Variants in TCERG1 observed in about 807,000 individuals in gnomAD.
TCERG1 encodes the protein TATA box binding protein (TBP)-associated factor, RNA polymerase II, S, 150kD.
Under a neutral mutation model 144.7 loss-of-function variants are expected in TCERG1, and 37 were observed. The observed-to-expected ratio is 0.26, with a 90% CI of 0.20 to 0.34. The LOEUF (loss-of-function observed/expected upper bound fraction) is 0.34, where lower values mean the gene tolerates loss of function less well. Ranked by LOEUF, TCERG1 falls within the 10% of genes least tolerant of loss-of-function variation. TCERG1 has a pLI of 1.00. For synonymous variants in TCERG1, 492 were observed against 458.2 expected, an observed-to-expected ratio of 1.07 and a Z score of -0.94; for missense variants, 1,027 against 1,380.7, an observed-to-expected ratio of 0.74 and a Z score of 4.06.
chr5:146,481,845 A>G (rs1008164568), intron 13 of TCERG1: 4 of 152,146 alleles, frequency 2.6e-5, no homozygotes, highest in African/African-American at 7.2e-5. Flanking sequence ...TGAGTACCAC[A>G]CAGAAACAGG....
chr5:146,499,377 A>T (rs1217311178), intron 17 of TCERG1, among the ~76,000 whole-genome samples: 1 of 152,232 alleles, frequency 6.6e-6, no homozygotes, highest in Non-Finnish European at 1.5e-5. Flanking sequence ...TTATAATATT[A>T]CAAGTTCTAT....
intron 15 of TCERG1, among the ~76,000 whole-genome samples, chr5:146,491,286 A>G (rs1358384179): frequency 1.3e-5 from 2 of 151,662 alleles, no homozygotes; most frequent in African/African-American, 2.4e-5. Context: ...TGCCCGGCCT[A>G]TTTGGGTATT....
At chr5:146,470,530 C>T (rs1358948794) in intron 7 of TCERG1, 106 bp from the exon 8 acceptor site, 1 of 881,852 alleles carries the variant, frequency 1.1e-6, no homozygotes, top group African/African-American at 1.7e-5. Context: ...ATTTTATCTT[C>T]ATGGTTAATA....
intron 19 of TCERG1, among the ~76,000 whole-genome samples, chr5:146,505,324 T>G (rs1767875513): frequency 6.6e-6 from 1 of 152,200 alleles, no homozygotes; most frequent in South Asian, 2.1e-4. Context: ...CATAAAAAGC[T>G]AATCAAATTT....
At position 146,498,668 on chromosome 5, in the gene TCERG1, G is replaced by A. The variant is rs1561698052; in HGVS notation, c.2415G>A (p.Ser805=). 4 of 1,611,436 alleles carry A rather than the reference G, an allele frequency of 2.5e-6. No individual in the cohort carries two copies. Among genetic ancestry groups the A allele is most frequent in the South Asian group, 1.1e-5 (1 of 90,552 alleles). ...AAARKKEKED[S]KTRGEKIKSD... is the part of the protein sequence containing the mutation. The stretch of plus-strand genomic sequence containing the variant: ...CTAGGAAGAAAGAGAAAGAAGATTC[G>A]AAGACCAGAGGTGAGAAGGTAAGAT... The change falls in exon 17 of 23, where the codon TCG becomes TCA. Residue 805 remains serine, a synonymous_variant. Transcript: ENST00000679501.
At chr5:146,479,993 A>G (rs765020725) in intron 11 of TCERG1, 35 bp from the exon 12 acceptor site, 12 of 1,589,066 alleles carry the variant, frequency 7.6e-6, no homozygotes, top group Non-Finnish European at 1.0e-5. Flanking sequence ...AGAAGGATTC[A>G]TTCCTAAATA....
At chr5:146,459,423 T>A in intron 4 of TCERG1, 86 bp downstream of exon 4, 1 of 1,526,772 alleles carries the variant, frequency 6.5e-7, no homozygotes, top group Non-Finnish European at 8.8e-7. Context: ...TCCCAGTGTT[T>A]CTGGTATTAT....
Position 146,511,416 on chromosome 5 carries a change from G to T in TCERG1, c.*774G>T, listed in dbSNP as rs1768447025. The T allele has an allele frequency of 6.6e-6, 1 of 152,576 alleles. No homozygotes were observed. The highest frequency in any genetic ancestry group is 1.5e-5 in the Non-Finnish European group (1 of 68,030). The allele number at this position is 152,576 out of a possible 1,614,324, so 9.5% of individuals were successfully genotyped here. A position where few individuals can be genotyped will look rare whatever the true frequency, so the allele number is the denominator to read the frequency against. On this transcript the variant is annotated 3_prime_UTR_variant, in exon 23 of 23. Transcript: ENST00000679501. ...TTTCTTGTAAACTATACTCCTGTTT[G>T]AATGTTAAACTTTGTTGCTAAAGTT... is the stretch of plus-strand genomic sequence containing the variant.
intron 9 of TCERG1, among the ~76,000 whole-genome samples, chr5:146,473,573 C>T (rs78175380): frequency 0.063 from 9,555 of 152,242 alleles, 417 homozygotes; most frequent in Non-Finnish European, 0.085. Flanking sequence ...AGAGAGAAGT[C>T]ACCGCTTGGC....
intron 15 of TCERG1, among the ~76,000 whole-genome samples, chr5:146,490,961 G>A (rs763440682): frequency 5.3e-5 from 8 of 151,758 alleles, no homozygotes; most frequent in Non-Finnish European, 1.0e-4. Context: ...TGCCTTATGG[G>A]TGCATTATCT....
At chr5:146,508,310 G>C (rs749099839) in intron 21 of TCERG1, among the ~76,000 whole-genome samples, 3 of 152,204 alleles carry the variant, frequency 2.0e-5, no homozygotes, top group Non-Finnish European at 2.9e-5. Context: ...GCCAAACAGA[G>C]CCCTGTAATG....
chr5:146,503,762 T>C (rs1180680858), intron 18 of TCERG1, 62 bp from the exon 19 acceptor site: 7 of 1,512,210 alleles, frequency 4.6e-6, no homozygotes, highest in Non-Finnish European at 6.2e-6. Flanking sequence ...AAGCTAGTTA[T>C]TCTGTAAAAA....
intron 9 of TCERG1, among the ~76,000 whole-genome samples, chr5:146,473,576 C>T (rs1474332499): frequency 1.3e-5 from 2 of 152,146 alleles, no homozygotes; most frequent in Non-Finnish European, 2.9e-5. Flanking sequence ...GAGAAGTCAC[C>T]GCTTGGCTTC....
At chr5:146,467,647 G>A (rs1763908240) in intron 5 of TCERG1, among the ~76,000 whole-genome samples, 1 of 152,150 alleles carries the variant, frequency 6.6e-6, no homozygotes, top group Non-Finnish European at 1.5e-5. Context: ...GTATTAAAGG[G>A]GCTGTATGTT....
intron 9 of TCERG1, 113 bp downstream of exon 9, chr5:146,471,689 C>A (rs1414706027): frequency 2.7e-6 from 2 of 742,534 alleles, no homozygotes; most frequent in African/African-American, 1.8e-5. Context: ...ACCTCCACCT[C>A]CCTAGTTCAA....
At chr5:146,491,358 A>G (rs946122601) in intron 15 of TCERG1, among the ~76,000 whole-genome samples, 1 of 151,794 alleles carries the variant, frequency 6.6e-6, no homozygotes, top group African/African-American at 2.4e-5. Flanking sequence ...GTTCTCAACC[A>G]CGAGTAGTTT....
chr5:146,478,474 A>G lies in TCERG1; in HGVS notation c.1602-19A>G. Reference sequence around the variant, plus strand: ...ATGTTCTGTAACATAAGAGAATGATATTTTGCATCAATTCTTAGGTGTGTC... The same window carrying G: ...ATGTTCTGTAACATAAGAGAATGATGTTTTGCATCAATTCTTAGGTGTGTC... On this transcript the variant is annotated intron_variant, in intron 9 of 22. Coordinates refer to ENST00000679501, the MANE Select transcript of TCERG1 (RefSeq NM_001382548.1). 1 of 1,560,742 alleles carries G rather than the reference A, an allele frequency of 6.4e-7. No homozygotes were observed. Among genetic ancestry groups the G allele is most frequent in the Non-Finnish European group, 8.6e-7 (1 of 1,159,298 alleles).
intron 9 of TCERG1, 88 bp downstream of exon 9, chr5:146,471,664 T>A: frequency 3.6e-6 from 4 of 1,116,866 alleles, no homozygotes; most frequent in Non-Finnish European, 5.2e-6. Context: ...AGTGGCACGA[T>A]CTGGGCTCAC....
chr5:146,495,907 C>G (rs1984741), intron 16 of TCERG1, among the ~76,000 whole-genome samples: 8,866 of 152,234 alleles, frequency 0.058, 301 homozygotes, highest in Middle Eastern at 0.11. Flanking sequence ...GTAATCCCAG[C>G]ACTTTGGGAG....
Sources: gnomAD v4.1 joint callset for allele counts (sites outside exome capture counted in the v4.1 genomes callset) on GRCh38, gnomAD v4.1.1 for gene constraint, MANE v1.5 for transcripts, NCBI Gene and HGNC (gene_info 2026-07-23, HGNC 2026-07-21) for gene names.